The following WWC1 variants were observed in gnomAD, a reference collection of about 807,000 sequenced individuals.
WWC1 encodes the protein protein KIBRA.
WWC1 carries 55 observed loss-of-function variants against 138.4 expected under a neutral mutation model. The observed-to-expected ratio is 0.40, with a 90% CI of 0.32 to 0.50. The LOEUF is 0.50. Ranked by LOEUF, WWC1 falls within the 20% of genes least tolerant of loss-of-function variation. The probability of loss-of-function intolerance (pLI) is 0.72; values close to 1 mark genes in which losing one functional copy is unlikely to be tolerated. For synonymous variants in WWC1, 524 were observed against 564.9 expected (o/e 0.93, Z 1.03); for missense variants, 1,226 against 1,420.4 (o/e 0.86, Z 2.20).
Position 168,408,569 on chromosome 5 carries a change from C to T in WWC1, c.783C>T (p.Ser261=), listed in dbSNP as rs1779986780. The change falls in exon 7 of 23, where the codon TCC becomes TCT. Residue 261 remains serine, a synonymous_variant. Coordinates refer to ENST00000265293, the MANE Select transcript of WWC1 (RefSeq NM_015238.3). Reference sequence around the variant, plus strand: ...GGGGGTCTCACTCAGACCTGTGGTCCAGCAGCAGCTCTCTGGAGAGTTCGA... The same window carrying T: ...GGGGGTCTCACTCAGACCTGTGGTCTAGCAGCAGCTCTCTGGAGAGTTCGA... ...TDRGSHSDLW[S]SSSSLESSSF... 6.2e-7 allele frequency: 1 copy of T among 1,614,166 alleles called. No homozygotes were observed. The highest frequency in any genetic ancestry group is 8.5e-7 in the Non-Finnish European group (1 of 1,180,000).
chr5:168,404,120 C>T (rs1439600313), intron 5 of WWC1, among the ~76,000 whole-genome samples: 1 of 152,174 alleles, frequency 6.6e-6, no homozygotes, highest in African/African-American at 2.4e-5. Context: ...CAAACCACTT[C>T]TGTCTCATCC....
intron 10 of WWC1, 63 bp from the exon 11 acceptor site, chr5:168,423,467 CAGA>C (rs1020173566): frequency 1.3e-6 from 2 of 1,516,504 alleles, no homozygotes; most frequent in African/African-American, 1.4e-5. Context: ...CAGAGCTCAG[CAGA>C]AGGTCTCAGG....
chr5:168,463,404 T>C (rs1028906842), intron 20 of WWC1, among the ~76,000 whole-genome samples: 4 of 152,206 alleles, frequency 2.6e-5, no homozygotes, highest in Non-Finnish European at 2.9e-5. Context: ...TAGAGGTCAC[T>C]CTCAGGTTTT....
chr5:168,467,774 C>T (rs1275856941), intron 21 of WWC1, 66 bp from the exon 22 acceptor site: 8 of 1,605,884 alleles, frequency 5.0e-6, no homozygotes, highest in African/African-American at 1.3e-5. Flanking sequence ...GTTGTGATAG[C>T]GAGTTCTCCT....
At chr5:168,397,933 A>G (rs1561705328) in intron 4 of WWC1, 133 bp downstream of exon 4, 5 of 878,824 alleles carry the variant, frequency 5.7e-6, no homozygotes, top group Non-Finnish European at 9.2e-6. Flanking sequence ...GTCCTAAATA[A>G]TAACAGTAGA....
chr5:168,401,426 A>G (rs953700478), intron 5 of WWC1, among the ~76,000 whole-genome samples: 1 of 152,150 alleles, frequency 6.6e-6, no homozygotes, highest in Admixed American at 6.5e-5. Flanking sequence ...TCCTCATTCC[A>G]TGAATTTCAA....
Position 168,316,200 on chromosome 5 carries a change from C to A in WWC1, c.119+23929C>A, listed in dbSNP as rs566851814. 2.6e-5 allele frequency among the ~76,000 whole-genome samples: 4 copies of A among 152,310 alleles called. No individual in the cohort carries two copies. In the East Asian group the frequency reaches 5.8e-4, roughly 22 times the overall value. On this transcript the variant is annotated intron_variant, in intron 1 of 22. Transcript: ENST00000265293. ...AGGCTCGCAATTGCTATTTGCCAAA[C>A]TGGTAACTGTTGACCCAACAGAAAT...
intron 6 of WWC1, among the ~76,000 whole-genome samples, chr5:168,406,981 A>T (rs1005238584): frequency 5.9e-5 from 9 of 151,868 alleles, no homozygotes; most frequent in Admixed American, 3.9e-4. Context: ...AGAGAGAGAG[A>T]GTCTTGCTAT....
intron 8 of WWC1, chr5:168,411,726 T>C (rs1476281711): frequency 1.3e-5 from 2 of 152,650 alleles, no homozygotes; most frequent in Non-Finnish European, 2.9e-5. Context: ...CCTTTCCCAA[T>C]AGTTTTAACT....
Position 168,431,389 on chromosome 5 carries a change from A to G in WWC1, c.2225A>G (p.Lys742Arg), listed in dbSNP as rs1478291150. The change falls in exon 15 of 23, where the codon AAG becomes AGG. Residue 742 changes from lysine (K) to arginine (R), a missense_variant. This residue lies in a region of WWC1 where 1,016 missense variants were observed against 1,153.9 expected (regional missense o/e 0.88). Transcript: ENST00000265293. Reference protein sequence around the residue: ...VSMSYPALHQKTLRVDVCTTD... With the variant: ...VSMSYPALHQRTLRVDVCTTD... ...ATGTCCTATCCAGCCCTTCACCAGA[A>G]GACCTTAAGAGTCGATGTCTGTACC... is the stretch of plus-strand genomic sequence containing the variant. 6.2e-7 allele frequency: 1 copy of G among 1,613,924 alleles called. No homozygotes were observed. Among genetic ancestry groups the G allele is most frequent in the Non-Finnish European group, 8.5e-7 (1 of 1,180,024 alleles).
At chr5:168,357,303 T>TAC (rs3083619) in intron 1 of WWC1, among the ~76,000 whole-genome samples, 68,734 of 144,974 alleles carry the variant, frequency 0.47, 18,125 homozygotes, top group Non-Finnish European at 0.62. Context: ...CTTTCTCTCT[T>TAC]ACACACACAC....
chr5:168,300,806 C>A (rs1241786634), intron 1 of WWC1, among the ~76,000 whole-genome samples: 1 of 152,114 alleles, frequency 6.6e-6, no homozygotes, highest in African/African-American at 2.4e-5. Flanking sequence ...GGATTCGTCC[C>A]TGGGGTAGCC....
intron 19 of WWC1, 93 bp from the exon 20 acceptor site, chr5:168,460,557 C>T (rs1686879282): frequency 5.0e-6 from 6 of 1,188,448 alleles, no homozygotes; most frequent in South Asian, 1.3e-5. Flanking sequence ...AGGACTGTGC[C>T]GAGTGGAGGA....
chr5:168,313,834 T>C (rs887061418), intron 1 of WWC1, among the ~76,000 whole-genome samples: 1 of 152,224 alleles, frequency 6.6e-6, no homozygotes, highest in African/African-American at 2.4e-5. Context: ...TACAACCAGC[T>C]ATAAATACTA....
At chr5:168,424,105 G>A (rs1781333115) in intron 11 of WWC1, 37 bp downstream of exon 11, 10 of 1,545,550 alleles carry the variant, frequency 6.5e-6, no homozygotes, top group Admixed American at 2.0e-5. Context: ...GGAACCAGGA[G>A]GAGGGAAAGA....
intron 2 of WWC1, among the ~76,000 whole-genome samples, chr5:168,378,290 G>GT (rs1777376355): frequency 6.6e-6 from 1 of 152,102 alleles, no homozygotes; most frequent in African/African-American, 2.4e-5. Flanking sequence ...ACTAGAGAGG[G>GT]TAGGGAGATG....
At chr5:168,415,122 A>G (rs548015172) in intron 9 of WWC1, 66 of 159,282 alleles carry the variant, frequency 4.1e-4, no homozygotes, top group South Asian at 3.1e-3. Flanking sequence ...GGGGTTGCAA[A>G]CTGGCATGCT....
chr5:168,437,569 A>T (rs1336597553), intron 15 of WWC1, among the ~76,000 whole-genome samples: 5 of 152,166 alleles, frequency 3.3e-5, no homozygotes, highest in African/African-American at 4.8e-5. Context: ...TCTGCCTTCA[A>T]TTCTGCTCTA....
chr5:168,470,293 C>T lies in WWC1; in HGVS notation c.*1276C>T, dbSNP rs1757616271. The stretch of plus-strand genomic sequence containing the variant: ...GCAAAGCAAGTTGCACCAGCTATAT[C>T]AGAATCACCTGGGGCAGCCTATTAA... On this transcript the variant is annotated 3_prime_UTR_variant, in exon 23 of 23. Coordinates refer to ENST00000265293, the MANE Select transcript of WWC1 (RefSeq NM_015238.3). The T allele has an allele frequency of 6.6e-6, 1 of 152,204 alleles. No individual in the cohort carries two copies. Among genetic ancestry groups the T allele is most frequent in the Admixed American group, 6.5e-5 (1 of 15,268 alleles). The allele number at this position is 152,204 out of a possible 1,614,324, so 9.4% of individuals were successfully genotyped here.
Sources: allele counts gnomAD v4.1 joint callset (sites outside exome capture counted in the v4.1 genomes callset), GRCh38; gene constraint gnomAD v4.1.1; regional missense constraint gnomAD v4.1.1; transcripts MANE v1.5; gene names NCBI Gene and HGNC (gene_info 2026-07-23, HGNC 2026-07-21).